PRORP: variants seen among roughly 807,000 people sequenced by gnomAD.
The protein encoded by PRORP is mitochondrial ribonuclease P catalytic subunit.
PRORP carries 51 observed loss-of-function variants against 59.4 expected under a neutral mutation model. The ratio of observed to expected loss-of-function variants is 0.86; its 90% CI spans 0.69 to 1.08. The LOEUF (loss-of-function observed/expected upper bound fraction) is 1.08, where lower values mean the gene tolerates loss of function less well. Among genes scored for constraint, PRORP ranks in the 50% least tolerant of loss-of-function variants. The pLI is 0.00. For synonymous variants in PRORP, 231 were observed against 245.6 expected (o/e 0.94, Z 0.55); for missense variants, 646 against 690.3 (o/e 0.94, Z 0.72).
chr14:35,235,253 A>G, intron 5 of PRORP: 1 of 714,932 alleles, frequency 1.4e-6, no homozygotes, highest in South Asian at 1.3e-5. Context: ...GGGACCCAGG[A>G]CATTGCCTCC....
chr14:35,239,121 C>G (rs148569167), intron 5 of PRORP, among the ~76,000 whole-genome samples: 1 of 151,856 alleles, frequency 6.6e-6, no homozygotes, highest in Admixed American at 6.6e-5. Flanking sequence ...CTTTAGGAGG[C>G]GAGGCGGGCG....
At chr14:35,182,527 C>A (rs1177319539) in intron 5 of PRORP, among the ~76,000 whole-genome samples, 2 of 152,078 alleles carry the variant, frequency 1.3e-5, no homozygotes, top group Non-Finnish European at 2.9e-5. Context: ...TGCCTGTAAT[C>A]CCAGCTAGTT....
chr14:35,227,388 G>GT, intron 5 of PRORP, among the ~76,000 whole-genome samples: 1 of 151,882 alleles, frequency 6.6e-6, no homozygotes, highest in Non-Finnish European at 1.5e-5. Context: ...AGCTTGCAGT[G>GT]AGCTGAGATC....
chr14:35,180,267 A>T (rs1455160749), intron 4 of PRORP, among the ~76,000 whole-genome samples: 1 of 152,126 alleles, frequency 6.6e-6, no homozygotes, highest in Non-Finnish European at 1.5e-5. Flanking sequence ...GAAATCACCC[A>T]TCTTCCGCAT....
At chr14:35,266,628 AAG>A in intron 5 of PRORP, 97 bp from the exon 6 acceptor site, 3 of 1,261,022 alleles carry the variant, frequency 2.4e-6, no homozygotes, top group South Asian at 2.8e-5. Flanking sequence ...CCTACCAGAA[AAG>A]AGTGCTTCAC....
At chr14:35,176,096 C>G (rs2048442529) in intron 4 of PRORP, among the ~76,000 whole-genome samples, 1 of 152,064 alleles carries the variant, frequency 6.6e-6, no homozygotes, top group Non-Finnish European at 1.5e-5. Flanking sequence ...TTCCATTGGT[C>G]TATATCTCTG....
intron 5 of PRORP, among the ~76,000 whole-genome samples, chr14:35,181,018 A>G (rs754582329): frequency 6.6e-6 from 1 of 152,164 alleles, no homozygotes; most frequent in African/African-American, 2.4e-5. Context: ...ATTGCAATAC[A>G]GGGCCAGATT....
At chr14:35,133,211 G>A (rs1047387142) in intron 4 of PRORP, among the ~76,000 whole-genome samples, 1 of 152,136 alleles carries the variant, frequency 6.6e-6, no homozygotes, top group Non-Finnish European at 1.5e-5. Context: ...GAGCTACCAT[G>A]CCCAGCCCTA....
chr14:35,184,683 C>T (rs577721713), intron 5 of PRORP, among the ~76,000 whole-genome samples: 6 of 152,258 alleles, frequency 3.9e-5, no homozygotes, highest in African/African-American at 7.2e-5. Flanking sequence ...CCACACTCCC[C>T]GCTCAAGTAG....
chr14:35,227,889 A>G (rs1392333226), intron 5 of PRORP, among the ~76,000 whole-genome samples: 1 of 152,156 alleles, frequency 6.6e-6, no homozygotes, highest in Non-Finnish European at 1.5e-5. Context: ...TCATGCCTGT[A>G]ATCCCAGCAC....
chr14:35,174,866 A>G (rs1174022230), intron 4 of PRORP, among the ~76,000 whole-genome samples: 2 of 147,340 alleles, frequency 1.4e-5, no homozygotes, highest in African/African-American at 5.0e-5. Flanking sequence ...TACGTTACGT[A>G]TATCTCCTAG....
chr14:35,206,070 T>G (rs1020198877), intron 5 of PRORP, among the ~76,000 whole-genome samples: 2 of 152,044 alleles, frequency 1.3e-5, no homozygotes, highest in Non-Finnish European at 2.9e-5. Flanking sequence ...ATGTCATAGG[T>G]ACAAAAAAAA....
chr14:35,177,854 T>G (rs1250929433), intron 4 of PRORP, among the ~76,000 whole-genome samples: 2 of 152,226 alleles, frequency 1.3e-5, no homozygotes, highest in Non-Finnish European at 2.9e-5. Flanking sequence ...CGATTTTAGA[T>G]CTTTCCTGCT....
chr14:35,259,366 T>C (rs1395833689), intron 5 of PRORP, among the ~76,000 whole-genome samples: 1 of 152,184 alleles, frequency 6.6e-6, no homozygotes, highest in Admixed American at 6.5e-5. Flanking sequence ...TTTTTTTAGA[T>C]AGCATATAGT....
rs3058430 is a variant in PRORP at position 35,180,526 on chromosome 14, C to CTGTGTGTG, written c.1168-126_1168-119dup. The CTGTGTGTG allele has an allele frequency of 1.6e-3, 874 of 538,022 alleles. 2 individuals carry two copies. Among genetic ancestry groups the CTGTGTGTG allele is most frequent in the African/African-American group, 9.5e-3 (489 of 51,384 alleles). 33.3% of individuals were successfully genotyped at this position (538,022 alleles called of 1,614,324 possible). A position where few individuals can be genotyped will look rare whatever the true frequency, so the allele number is the denominator to read the frequency against. On this transcript the variant is annotated intron_variant, in intron 4 of 7. Coordinates refer to ENST00000534898, the MANE Select transcript of PRORP (RefSeq NM_014672.4). ...TTTTCAGATTTCATTTGTAGAGTAT[C>CTGTGTGTG]TGTGTGTGTGTGTGTGTGTGTGTGT...
intron 4 of PRORP, among the ~76,000 whole-genome samples, chr14:35,128,496 T>C (rs114268659): frequency 0.012 from 1,886 of 152,236 alleles, 35 homozygotes; most frequent in African/African-American, 0.04. Context: ...GACTTTTTAT[T>C]ATGGCTTCGA....
chr14:35,266,013 C>CAA (rs35304125), intron 5 of PRORP, among the ~76,000 whole-genome samples: 67 of 117,110 alleles, frequency 5.7e-4, no homozygotes, highest in Non-Finnish European at 8.4e-4. Flanking sequence ...CCATCTCTAC[C>CAA]AAAAAAAAAA....
intron 5 of PRORP, among the ~76,000 whole-genome samples, chr14:35,226,193 A>G (rs950985471): frequency 2.0e-5 from 3 of 152,228 alleles, no homozygotes; most frequent in Admixed American, 6.5e-5. Flanking sequence ...AAATACAAAC[A>G]TTCAATATTC....
chr14:35,241,372 C>T (rs1421907849), intron 5 of PRORP, among the ~76,000 whole-genome samples: 3 of 147,892 alleles, frequency 2.0e-5, no homozygotes, highest in Non-Finnish European at 4.5e-5. Flanking sequence ...AGGGAGACTC[C>T]GTCTCAAAAA....
Sources: allele counts gnomAD v4.1 joint callset (sites outside exome capture counted in the v4.1 genomes callset), GRCh38; gene constraint gnomAD v4.1.1; transcripts MANE v1.5; gene names NCBI Gene and HGNC (gene_info 2026-07-23, HGNC 2026-07-21).